MTF1: variants seen among roughly 807,000 people sequenced by gnomAD.
MTF1 encodes the protein metal regulatory transcription factor 1, also known as MRE-binding transcription factor.
In MTF1, 22 loss-of-function variants were observed where a neutral mutation model predicts 70.4. That is an observed-to-expected ratio of 0.31 (90% CI 0.22 to 0.45). The LOEUF (loss-of-function observed/expected upper bound fraction) is 0.45. MTF1 is among the 20% of genes least tolerant of loss of function. The pLI, the probability that MTF1 is intolerant of heterozygous loss-of-function variation, is 1.00. For missense variants in MTF1, 649 were observed against 922.0 expected (o/e 0.70, Z 3.83); for synonymous variants, 333 against 352.8 (o/e 0.94, Z 0.63).
At chr1:37,822,775 A>C in intron 8 of MTF1, 59 bp from the exon 9 acceptor site, 2 of 1,243,988 alleles carry the variant, frequency 1.6e-6, no homozygotes, top group Non-Finnish European at 2.3e-6. Flanking sequence ...ATGAGCCACA[A>C]AAACAGTCAT....
intron 2 of MTF1, among the ~76,000 whole-genome samples, chr1:37,856,759 C>T (rs770930848): frequency 6.6e-6 from 1 of 152,148 alleles, no homozygotes; most frequent in African/African-American, 2.4e-5. Flanking sequence ...CTCAGCCTCC[C>T]AAAGTGCTGG....
intron 6 of MTF1, among the ~76,000 whole-genome samples, chr1:37,832,866 C>T (rs1025944467): frequency 1.3e-5 from 2 of 151,794 alleles, no homozygotes; most frequent in Non-Finnish European, 2.9e-5. Context: ...ATTAGCTAGG[C>T]GCGGTGGTGT....
chr1:37,847,842 A>C (rs907686089), intron 2 of MTF1, among the ~76,000 whole-genome samples: 2 of 152,124 alleles, frequency 1.3e-5, no homozygotes, highest in African/African-American at 4.8e-5. Context: ...CAAAAAAATA[A>C]GAAATTAGCC....
chr1:37,831,948 T>A (rs1641093195), intron 7 of MTF1, among the ~76,000 whole-genome samples: 1 of 152,156 alleles, frequency 6.6e-6, no homozygotes, highest in Non-Finnish European at 1.5e-5. Context: ...TTAACTACTA[T>A]AAGCTCAGTA....
intron 4 of MTF1, 60 bp from the exon 5 acceptor site, chr1:37,835,804 G>A (rs3762359): frequency 0.68 from 874,319 of 1,285,984 alleles, 308,009 homozygotes; most frequent in Non-Finnish European, 0.72. Context: ...TATCCTGAAC[G>A]TCTTTTTTTT....
chr1:37,823,368 G>A (rs1165221255), intron 8 of MTF1, among the ~76,000 whole-genome samples: 1 of 152,074 alleles, frequency 6.6e-6, no homozygotes, highest in Non-Finnish European at 1.5e-5. Flanking sequence ...ACTCAAGCCT[G>A]GAGGTGGAGG....
chr1:37,845,643 T>C (rs187126734), intron 2 of MTF1, among the ~76,000 whole-genome samples: 213 of 152,282 alleles, frequency 1.4e-3, no homozygotes, highest in Non-Finnish European at 2.0e-3. Flanking sequence ...TAACTGGGAC[T>C]ATAGGTATGT....
At chr1:37,837,550 G>C (rs191277716) in intron 4 of MTF1, among the ~76,000 whole-genome samples, 36 of 151,556 alleles carry the variant, frequency 2.4e-4, no homozygotes, top group Non-Finnish European at 4.6e-4. Context: ...CTGTCATCTA[G>C]GCTGGAGTGC....
rs771432629 is a variant in MTF1 at position 37,857,258 on chromosome 1, C to T, written c.401G>A (p.Arg134His). 17 of 1,609,968 alleles carry T rather than the reference C, an allele frequency of 1.1e-5. No homozygotes were observed. Among genetic ancestry groups the T allele is most frequent in the South Asian group, 5.5e-5 (5 of 90,998 alleles). The change falls in exon 2 of 11, where the codon CGT (arginine) becomes CAT (histidine). Residue 134 changes from arginine to histidine, a missense_variant. This residue lies in a region of MTF1 where 118 missense variants were observed against 287.2 expected (regional missense o/e 0.41). Coordinates refer to ENST00000373036, the MANE Select transcript of MTF1 (RefSeq NM_005955.3). ...ACTGACTGCTTTACTTACTTCTTTA[C>T]GTTTTGTTTCCGGACATTCCGACTG... is the stretch of plus-strand genomic sequence containing the variant. The part of the protein sequence containing the change: ...TLQSECPETK[R>H]KEVKRYQCTF...
rs1640745702 is a variant in MTF1 at position 37,812,047 on chromosome 1, T to C, written c.*3089A>G. 6.5e-6 allele frequency: 1 copy of C among 152,700 alleles called. No individual in the cohort carries two copies. The allele number at this position is 152,700 out of a possible 1,614,324, so 9.5% of individuals were successfully genotyped here. On this transcript the variant is annotated 3_prime_UTR_variant, in exon 11 of 11. Transcript: ENST00000373036. ...CCAATCCCTGGTGCTAAGCACCCTT[T>C]GAAGCGGTTGTCTAATTGGAGATGT...
intron 9 of MTF1, among the ~76,000 whole-genome samples, chr1:37,818,557 A>C (rs1264592150): frequency 6.6e-6 from 1 of 150,724 alleles, no homozygotes; most frequent in Non-Finnish European, 1.5e-5. Flanking sequence ...ACAAAAAATT[A>C]GCCGGGCATG....
At chr1:37,825,800 A>AT (rs1640993858) in intron 7 of MTF1, among the ~76,000 whole-genome samples, 1 of 151,998 alleles carries the variant, frequency 6.6e-6, no homozygotes, top group Admixed American at 6.6e-5. Flanking sequence ...CTTCCTTGTG[A>AT]TTTTCTTAAC....
intron 6 of MTF1, among the ~76,000 whole-genome samples, chr1:37,832,605 A>T (rs1265472674): frequency 6.6e-6 from 1 of 152,212 alleles, no homozygotes; most frequent in Non-Finnish European, 1.5e-5. Context: ...TACATTAAGT[A>T]TATCTCCTAA....
At chr1:37,857,126 G>A (rs1391202544) in intron 2 of MTF1, 125 bp downstream of exon 2, 19 of 909,622 alleles carry the variant, frequency 2.1e-5, no homozygotes, top group Non-Finnish European at 3.1e-5. Context: ...ATATGTTGTT[G>A]ATAGCAAAAC....
intron 9 of MTF1, among the ~76,000 whole-genome samples, chr1:37,818,257 T>C (rs960678891): frequency 6.6e-6 from 1 of 152,190 alleles, no homozygotes; most frequent in African/African-American, 2.4e-5. Flanking sequence ...TAATGAGTTA[T>C]CATGGGAGTG....
In MTF1 at chr1:37,852,916, C is replaced by T. The variant is rs1024128985; in HGVS notation, c.408+4335G>A. Among the ~76,000 whole-genome samples the T allele has an allele frequency of 4.6e-5, 7 of 152,206 alleles. No homozygotes were observed. The South Asian group carries it at 1.4e-3, about 31-fold the overall frequency. ...AAAGTGCTGGGATTACAGGCATGAGCCACTGTGCCTGGCCTATTCAAAACC... is the reference window on the plus strand; with the variant it reads ...AAAGTGCTGGGATTACAGGCATGAGTCACTGTGCCTGGCCTATTCAAAACC... On this transcript the variant is annotated intron_variant, in intron 2 of 10. Coordinates refer to ENST00000373036, the MANE Select transcript of MTF1 (RefSeq NM_005955.3).
At chr1:37,854,150 G>A (rs1334257260) in intron 2 of MTF1, among the ~76,000 whole-genome samples, 2 of 152,224 alleles carry the variant, frequency 1.3e-5, no homozygotes, top group Admixed American at 6.5e-5. Flanking sequence ...TGGGATTACA[G>A]GCGTCTGCCA....
chr1:37,835,563 C>T (rs56659814), intron 5 of MTF1, 108 bp downstream of exon 5: 20,988 of 831,056 alleles, frequency 0.025, 1,350 homozygotes, highest in East Asian at 0.17. Flanking sequence ...TTATGCTCAC[C>T]TGAATATATA....
intron 2 of MTF1, among the ~76,000 whole-genome samples, chr1:37,842,269 A>G (rs564299027): frequency 2.0e-5 from 3 of 152,206 alleles, no homozygotes; most frequent in Admixed American, 1.3e-4. Context: ...AATAATAACA[A>G]TAACATTTTG....
Sources: gnomAD v4.1 joint callset for allele counts (sites outside exome capture counted in the v4.1 genomes callset) on GRCh38, gnomAD v4.1.1 for gene constraint, gnomAD v4.1.1 regional missense constraint, MANE v1.5 for transcripts, NCBI Gene and HGNC (gene_info 2026-07-23, HGNC 2026-07-21) for gene names.